The following CNGB3 variants were observed in gnomAD, a reference collection of about 807,000 sequenced individuals.
CNGB3 encodes cyclic nucleotide-gated channel beta-3.
CNGB3 carries 86 observed loss-of-function variants against 92.8 expected under a neutral mutation model. The observed-to-expected ratio is 0.93, with a 90% CI of 0.78 to 1.11. The LOEUF is 1.11. Ranked by LOEUF, CNGB3 falls within the 50% of genes least tolerant of loss-of-function variation. The pLI is 0.00. For synonymous variants in CNGB3, 333 were observed against 332.7 expected, an observed-to-expected ratio of 1.00 and a Z score of -0.01; for missense variants, 1,026 against 956.8, an observed-to-expected ratio of 1.07 and a Z score of -0.95.
chr8:86,661,401 G>T, intron 6 of CNGB3: 1 of 447,340 alleles, frequency 2.2e-6, no homozygotes. Flanking sequence ...CTATCAGGAA[G>T]AGGACAAAAA....
chr8:86,662,896 A>G (rs1427903435), intron 6 of CNGB3, among the ~76,000 whole-genome samples: 1 of 150,852 alleles, frequency 6.6e-6, no homozygotes, highest in Non-Finnish European at 1.5e-5. Flanking sequence ...TGAACTAAGG[A>G]AAAGTCCTGC....
chr8:86,596,357 C>T (rs1253181060), intron 15 of CNGB3, among the ~76,000 whole-genome samples: 1 of 152,112 alleles, frequency 6.6e-6, no homozygotes, highest in African/African-American at 2.4e-5. Context: ...AATGCTTCTA[C>T]CTTTTGGCCT....
At chr8:86,703,159 G>A (rs1824586303) in intron 3 of CNGB3, among the ~76,000 whole-genome samples, 3 of 151,864 alleles carry the variant, frequency 2.0e-5, no homozygotes, top group Admixed American at 2.0e-4. Context: ...TTAGTGCGTC[G>A]TGCTTTTTCT....
chr8:86,658,953 A>C, intron 6 of CNGB3: 1 of 1,075,050 alleles, frequency 9.3e-7, no homozygotes, highest in Non-Finnish European at 1.4e-6. Context: ...CAGGAGACTC[A>C]AGCCCTCATT....
chr8:86,690,107 T>TTCTA (rs1824279037), intron 3 of CNGB3, among the ~76,000 whole-genome samples: 1 of 152,222 alleles, frequency 6.6e-6, no homozygotes, highest in East Asian at 1.9e-4. Context: ...CAAATGGTAT[T>TTCTA]TCTAGTTCTA....
Position 86,591,467 on chromosome 8 carries a change from G to A in CNGB3, c.1782-12215C>T, listed in dbSNP as rs1304524979. 4.9e-4 allele frequency among the ~76,000 whole-genome samples: 73 copies of A among 150,268 alleles called. 1 individual carries two copies. The highest frequency in any genetic ancestry group is 4.8e-3 in the Admixed American group (72 of 15,068). The stretch of plus-strand genomic sequence containing the variant: ...TGTTCTGTTTTTTCCCCATCTTTGT[G>A]GTTTTATCTACTTTTGGTCTTTGAT... On this transcript the variant is annotated intron_variant, in intron 15 of 17. Coordinates refer to ENST00000320005, the MANE Select transcript of CNGB3 (RefSeq NM_019098.5).
intron 6 of CNGB3, chr8:86,661,666 C>A: frequency 1.1e-6 from 1 of 910,756 alleles, no homozygotes; most frequent in Non-Finnish European, 1.8e-6. Flanking sequence ...TATCTCCAGC[C>A]ATCTCTTCTT....
chr8:86,663,455 G>A (rs949359708), intron 6 of CNGB3, among the ~76,000 whole-genome samples: 3 of 152,158 alleles, frequency 2.0e-5, no homozygotes, highest in African/African-American at 7.2e-5. Flanking sequence ...AACTTGTAAG[G>A]CCTCCTGGTT....
At chr8:86,737,182 T>G (rs924764873) in intron 2 of CNGB3, among the ~76,000 whole-genome samples, 20 of 152,124 alleles carry the variant, frequency 1.3e-4, no homozygotes, top group Non-Finnish European at 2.6e-4. Context: ...AACAGAGGTG[T>G]TTTTCAAAAT....
At chr8:86,581,719 C>G (rs1821768974) in intron 15 of CNGB3, among the ~76,000 whole-genome samples, 1 of 150,626 alleles carries the variant, frequency 6.6e-6, no homozygotes, top group African/African-American at 2.4e-5. Context: ...AAATTGTTTC[C>G]CCTTCTCCAT....
At chr8:86,594,672 T>A (rs1305122283) in intron 15 of CNGB3, 1 of 186,730 alleles carries the variant, frequency 5.4e-6, no homozygotes, top group African/African-American at 2.4e-5. Context: ...AGCCTCCCGC[T>A]TGCCCCTGGC....
intron 11 of CNGB3, among the ~76,000 whole-genome samples, chr8:86,629,606 A>G (rs1313229135): frequency 6.6e-6 from 1 of 152,208 alleles, no homozygotes; most frequent in Non-Finnish European, 1.5e-5. Flanking sequence ...GACTCAATTC[A>G]TCATGAAATT....
chr8:86,633,090 C>A (rs1585981717), intron 10 of CNGB3, among the ~76,000 whole-genome samples, 197 bp from the exon 11 acceptor site: 1 of 152,028 alleles, frequency 6.6e-6, no homozygotes, highest in East Asian at 1.9e-4. Flanking sequence ...GAAACAAGCC[C>A]AAGGAGGGTG....
At chr8:86,732,847 T>G (rs1825179599) in intron 2 of CNGB3, among the ~76,000 whole-genome samples, 1 of 152,212 alleles carries the variant, frequency 6.6e-6, no homozygotes, top group South Asian at 2.1e-4. Context: ...AGACTATTTC[T>G]ATTTGGATGA....
At chr8:86,743,092 T>C (rs539878988) in intron 1 of CNGB3, among the ~76,000 whole-genome samples, 74 of 152,124 alleles carry the variant, frequency 4.9e-4, no homozygotes, top group Non-Finnish European at 8.4e-4. Context: ...AAAATCGCTC[T>C]CAATTGAGAG....
At chr8:86,595,925 G>A (rs1008268651) in intron 15 of CNGB3, among the ~76,000 whole-genome samples, 1 of 152,098 alleles carries the variant, frequency 6.6e-6, no homozygotes, top group East Asian at 1.9e-4. Flanking sequence ...TCTCAAATAG[G>A]TGATTTGACT....
intron 3 of CNGB3, among the ~76,000 whole-genome samples, chr8:86,686,730 T>A (rs937166759): frequency 1.3e-5 from 2 of 151,990 alleles, no homozygotes; most frequent in African/African-American, 4.8e-5. Context: ...TTGACTCAGG[T>A]GATAAGGTAC....
In CNGB3 at chr8:86,578,877, A is replaced by T. The variant is rs1337671085; in HGVS notation, c.1929-14T>A. 3 of 1,614,000 alleles carry T rather than the reference A, an allele frequency of 1.9e-6. No individual in the cohort carries two copies. In the African/African-American group the frequency reaches 4.0e-5, roughly 22 times the overall value. On this transcript the variant is annotated splice_polypyrimidine_tract_variant and intron_variant, in intron 16 of 17. Transcript: ENST00000320005. ...TTTAAAAGCACTCTGTGGGTAAGAG[A>T]GAAAAGCTGTTTTAGGTAACTCTGT...
At chr8:86,680,608 T>C (rs1374426475) in intron 3 of CNGB3, among the ~76,000 whole-genome samples, 1 of 152,108 alleles carries the variant, frequency 6.6e-6, no homozygotes, top group Admixed American at 6.6e-5. Context: ...GAGAGGGAAT[T>C]TGGACTAGAG....
Sources: allele counts gnomAD v4.1 joint callset (sites outside exome capture counted in the v4.1 genomes callset), GRCh38; gene constraint gnomAD v4.1.1; transcripts MANE v1.5; gene names NCBI Gene and HGNC (gene_info 2026-07-23, HGNC 2026-07-21).